The following BAZ2B variants were observed in gnomAD, a reference collection of about 807,000 sequenced individuals.
BAZ2B encodes bromodomain adjacent to zinc finger domain protein 2B.
A neutral mutation model predicts 246.0 loss-of-function variants in BAZ2B; 91 were observed. The ratio of observed to expected loss-of-function variants is 0.37; its 90% CI spans 0.31 to 0.44. BAZ2B has a LOEUF of 0.44. Among genes scored for constraint, BAZ2B ranks in the 20% least tolerant of loss-of-function variants. The probability of loss-of-function intolerance (pLI) is 1.00; values close to 1 mark genes in which losing one functional copy is unlikely to be tolerated. For missense variants in BAZ2B, 2,332 were observed against 2,533.7 expected (o/e 0.92, Z 1.71); for synonymous variants, 855 against 860.0 (o/e 0.99, Z 0.10).
At chr2:159,423,171 CT>C (rs944722192) in intron 13 of BAZ2B, among the ~76,000 whole-genome samples, 38 of 152,128 alleles carry the variant, frequency 2.5e-4, no homozygotes, top group African/African-American at 8.7e-4. Context: ...AAAAAATTAG[CT>C]GGGCGCGGTG....
At chr2:159,572,964 G>C (rs1384088222) in intron 1 of BAZ2B, among the ~76,000 whole-genome samples, 2 of 152,154 alleles carry the variant, frequency 1.3e-5, no homozygotes, top group Admixed American at 6.5e-5. Context: ...GTGCTTAGAA[G>C]ATGAGAAGTG....
chr2:159,650,619 T>C, the BAZ2B span, among the ~76,000 whole-genome samples: 1 of 152,182 alleles, frequency 6.6e-6, no homozygotes, highest in Non-Finnish European at 1.5e-5. Flanking sequence ...ATATACTGAT[T>C]AGTACTCTAC....
chr2:159,676,081 G>A, the BAZ2B span, among the ~76,000 whole-genome samples: 10 of 152,244 alleles, frequency 6.6e-5, 1 homozygote, highest in South Asian at 2.1e-3. Context: ...TTTTAGTAAT[G>A]ATGAGGTTTC....
chr2:159,346,087 A>T (rs1299206907), intron 31 of BAZ2B, among the ~76,000 whole-genome samples: 1 of 152,232 alleles, frequency 6.6e-6, no homozygotes, highest in East Asian at 1.9e-4. Context: ...CAGAAAGATG[A>T]CAATACACGA....
At chr2:159,440,721 G>A (rs2073239337) in intron 6 of BAZ2B, among the ~76,000 whole-genome samples, 1 of 151,932 alleles carries the variant, frequency 6.6e-6, no homozygotes, top group African/African-American at 2.4e-5. Context: ...ATCTTGGCCA[G>A]GCTGGTCTTG....
the BAZ2B span, among the ~76,000 whole-genome samples, chr2:159,687,766 T>C: frequency 6.6e-6 from 1 of 152,298 alleles, no homozygotes; most frequent in African/African-American, 2.4e-5. Context: ...TAGTCAGAAG[T>C]ACTGGAGAAC....
At chr2:159,343,894 T>C (rs942537261) in intron 31 of BAZ2B, among the ~76,000 whole-genome samples, 2 of 151,328 alleles carry the variant, frequency 1.3e-5, no homozygotes, top group Non-Finnish European at 2.9e-5. Context: ...GGTGTGGTGG[T>C]GGGCGCCTGT....
intron 1 of BAZ2B, among the ~76,000 whole-genome samples, chr2:159,558,455 T>G (rs1480387348): frequency 6.6e-6 from 1 of 152,060 alleles, no homozygotes; most frequent in African/African-American, 2.4e-5. Flanking sequence ...AGACGGGGTT[T>G]CTCCCTGTTG....
Position 159,337,018 on chromosome 2 carries a change from C to A in BAZ2B, c.5720G>T (p.Arg1907Leu), listed in dbSNP as rs746089713. ...GCACAGAGCTACCTGTGCAGCACTG[C>A]GAGCTTCTGATAATGCCCTTCTCCA... ...RVWRRALSEA[R>L]SAAQVALCIQ... Residue 1907 changes from arginine (R) to leucine (L), a missense_variant, in exon 33 of 37, where the codon CGC (arginine) becomes CTC (leucine). This residue lies in a region of BAZ2B where 53 missense variants were observed against 62.0 expected (regional missense o/e 0.86). Transcript: ENST00000392783. 4 of 1,611,550 alleles carry A rather than the reference C, an allele frequency of 2.5e-6. No individual in the cohort carries two copies. The African/African-American group carries it at 5.3e-5, about 22-fold the overall frequency.
At chr2:159,528,668 C>A (rs937836075) in intron 2 of BAZ2B, among the ~76,000 whole-genome samples, 1 of 139,350 alleles carries the variant, frequency 7.2e-6, no homozygotes, top group African/African-American at 2.8e-5. Flanking sequence ...GGGTGACAAG[C>A]GAAACTCTGT....
chr2:159,437,187 A>G (rs533679030), intron 8 of BAZ2B, among the ~76,000 whole-genome samples: 16 of 152,366 alleles, frequency 1.1e-4, no homozygotes, highest in Admixed American at 3.9e-4. Context: ...GTGTTCAAAC[A>G]TAATGGTTTC....
At chr2:159,474,771 G>A (rs949979429) in intron 3 of BAZ2B, among the ~76,000 whole-genome samples, 4 of 152,144 alleles carry the variant, frequency 2.6e-5, no homozygotes, top group Non-Finnish European at 4.4e-5. Flanking sequence ...AAATCTCTTA[G>A]CATTTGCTTG....
the BAZ2B span, among the ~76,000 whole-genome samples, chr2:159,630,338 A>G: frequency 6.6e-6 from 1 of 152,212 alleles, no homozygotes; most frequent in Non-Finnish European, 1.5e-5. Context: ...AACCAAAAAA[A>G]CAAAATACAA....
the BAZ2B span, among the ~76,000 whole-genome samples, chr2:159,656,286 T>C: frequency 3.3e-5 from 5 of 152,164 alleles, no homozygotes; most frequent in African/African-American, 1.2e-4. Flanking sequence ...TATTAATATC[T>C]TGAATTACTG....
At chr2:159,480,996 A>G (rs1176946008) in intron 2 of BAZ2B, among the ~76,000 whole-genome samples, 3 of 152,066 alleles carry the variant, frequency 2.0e-5, no homozygotes, top group African/African-American at 4.8e-5. Context: ...GTTGTTTTTA[A>G]TAGGCATTTC....
chr2:159,487,692 C>T (rs2079989814), intron 2 of BAZ2B, among the ~76,000 whole-genome samples: 1 of 151,792 alleles, frequency 6.6e-6, no homozygotes, highest in East Asian at 1.9e-4. Context: ...TCCACTATTC[C>T]CTTTCCAAGT....
chr2:159,375,263 A>G (rs1420621192), intron 25 of BAZ2B, among the ~76,000 whole-genome samples: 1 of 152,196 alleles, frequency 6.6e-6, no homozygotes, highest in African/African-American at 2.4e-5. Context: ...GCAGGAAAGT[A>G]TAAGGGTCTC....
intron 27 of BAZ2B, among the ~76,000 whole-genome samples, chr2:159,358,782 C>T (rs1215973347): frequency 1.3e-5 from 2 of 152,172 alleles, no homozygotes; most frequent in African/African-American, 4.8e-5. Context: ...ACAGTGCAAT[C>T]AAATTAGAAC....
the BAZ2B span, among the ~76,000 whole-genome samples, chr2:159,672,182 G>C: frequency 6.6e-6 from 1 of 152,092 alleles, no homozygotes; most frequent in South Asian, 2.1e-4. Flanking sequence ...TAATAATTTT[G>C]CTTTAGAATA....
Sources: allele counts gnomAD v4.1 joint callset (sites outside exome capture counted in the v4.1 genomes callset), GRCh38; gene constraint gnomAD v4.1.1; regional missense constraint gnomAD v4.1.1; transcripts MANE v1.5; gene names NCBI Gene and HGNC (gene_info 2026-07-23, HGNC 2026-07-21).